The following UHRF1 variants were observed in gnomAD, a reference collection of about 807,000 sequenced individuals.
UHRF1 encodes the protein ubiquitin like with PHD and ring finger domains 1.
Under a neutral mutation model 96.5 loss-of-function variants are expected in UHRF1, and 9 were observed. That is an observed-to-expected ratio of 0.09 (90% CI 0.06 to 0.16). UHRF1 has a LOEUF of 0.16. UHRF1 is among the 10% of genes least tolerant of loss of function. The pLI, the probability that UHRF1 is intolerant of heterozygous loss-of-function variation, is 1.00. For missense variants in UHRF1, 626 were observed against 1,131.1 expected, an observed-to-expected ratio of 0.55 and a Z score of 6.40; for synonymous variants, 455 against 469.9, an observed-to-expected ratio of 0.97 and a Z score of 0.41.
At chr19:4,910,106 C>CGGGG (rs942698441) in intron 1 of UHRF1, 1 of 150,854 alleles carries the variant, frequency 6.6e-6, no homozygotes, top group Admixed American at 6.6e-5. Flanking sequence ...ACTTGACGAG[C>CGGGG]GGGGGCCCCC....
At chr19:4,904,769 A>T (rs990221407), upstream of UHRF1, among the ~76,000 whole-genome samples, 1 of 152,162 alleles carries the variant, frequency 6.6e-6, no homozygotes, top group Non-Finnish European at 1.5e-5. Context: ...GGAATCAATA[A>T]AAGTTTGTTG....
upstream of UHRF1, among the ~76,000 whole-genome samples, chr19:4,905,736 T>G (rs1401872190): frequency 6.6e-6 from 1 of 152,128 alleles, no homozygotes; most frequent in Admixed American, 6.6e-5. Flanking sequence ...CAGGCTAGTC[T>G]TGATCTCCTG....
At chr19:4,940,340 A>C (rs1182477448) in intron 5 of UHRF1, among the ~76,000 whole-genome samples, 2 of 138,152 alleles carry the variant, frequency 1.4e-5, no homozygotes, top group African/African-American at 5.3e-5. Flanking sequence ...AGGCCATTGG[A>C]TCAAGCGTTG....
upstream of UHRF1, among the ~76,000 whole-genome samples, chr19:4,905,932 G>A (rs890210559): frequency 3.3e-5 from 5 of 152,244 alleles, 1 homozygote; most frequent in Admixed American, 2.0e-4. Context: ...TTTCTGAGAC[G>A]CCTGGAATAG....
chr19:4,960,839 A>C lies in UHRF1; in HGVS notation c.*36A>C. 1 of 1,273,610 alleles carries C rather than the reference A, an allele frequency of 7.9e-7. No individual in the cohort carries two copies. Among genetic ancestry groups the C allele is most frequent in the Non-Finnish European group, 1.1e-6 (1 of 910,718 alleles). 78.9% of individuals were successfully genotyped at this position (1,273,610 alleles called of 1,614,324 possible). ...CTTCTCGACAGGCGTTTTGCTGAAA[A>C]CGTGTCGGAGGGCTCGTTCATCGGC... On this transcript the variant is annotated 3_prime_UTR_variant, in exon 17 of 17. Coordinates refer to ENST00000650932, the MANE Select transcript of UHRF1 (RefSeq NM_001048201.3).
intron 5 of UHRF1, among the ~76,000 whole-genome samples, chr19:4,939,817 G>C (rs1368164063): frequency 6.6e-6 from 1 of 152,156 alleles, no homozygotes; most frequent in Non-Finnish European, 1.5e-5. Context: ...AAGGTCAGGA[G>C]ATCGAGACCA....
chr19:4,903,639 A>T (rs913915049), exon 1 of UHRF1: 1 of 151,876 alleles, frequency 6.6e-6, no homozygotes, highest in Non-Finnish European at 1.5e-5. Context: ...AGTACCTGAG[A>T]TTACAGGCAA....
At position 4,954,420 on chromosome 19, in the gene UHRF1, A is replaced by C. The variant is rs977986675; in HGVS notation, c.1889A>C (p.Glu630Ala). The C allele has an allele frequency of 6.2e-7, 1 of 1,613,570 alleles. No individual in the cohort carries two copies. The highest frequency in any genetic ancestry group is 1.3e-5 in the African/African-American group (1 of 74,964). Residue 630 changes from glutamate (E) to alanine (A), a missense_variant, in exon 14 of 17, where the codon GAG (glutamate) becomes GCG (alanine). This residue lies in a region of UHRF1 where 90 missense variants were observed against 94.7 expected (regional missense o/e 0.95). Coordinates refer to ENST00000650932, the MANE Select transcript of UHRF1 (RefSeq NM_001048201.3). This position sits in a 1 kb window ranked among gnomAD's most constrained non-coding sequence, Gnocchi z 5.9. ...AAGGAGAACAGCAAGAGGGAGGAGG[A>C]GGAGCAGCAGGAGGGGGGCTTCGCG... is the stretch of plus-strand genomic sequence containing the variant. ...REKENSKREE[E>A]EQQEGGFASP...
At chr19:4,912,012 T>G (rs2032298563) in intron 2 of UHRF1, among the ~76,000 whole-genome samples, 1 of 152,196 alleles carries the variant, frequency 6.6e-6, no homozygotes, top group Admixed American at 6.6e-5. Context: ...CAGGGGTTTT[T>G]GGGGGCTGGG....
At chr19:4,917,117 T>G (rs1192942176) in intron 2 of UHRF1, among the ~76,000 whole-genome samples, 2 of 148,192 alleles carry the variant, frequency 1.3e-5, no homozygotes, top group Non-Finnish European at 3.0e-5. Flanking sequence ...TTTCGTTTTT[T>G]TTTTTTTTTT....
At chr19:4,927,869 C>T (rs960685236) in intron 2 of UHRF1, among the ~76,000 whole-genome samples, 13 of 152,336 alleles carry the variant, frequency 8.5e-5, no homozygotes, top group East Asian at 3.9e-4. Flanking sequence ...GGAAACCAAC[C>T]GAGTCCAATC....
intron 5 of UHRF1, among the ~76,000 whole-genome samples, chr19:4,941,090 T>G (rs1317107281): frequency 1.8e-4 from 24 of 136,438 alleles, no homozygotes; most frequent in Non-Finnish European, 3.3e-4. Context: ...GTTTTGTTTT[T>G]TTTTTTTTTT....
intron 2 of UHRF1, among the ~76,000 whole-genome samples, chr19:4,914,414 T>G (rs1175526262): frequency 1.3e-5 from 2 of 152,064 alleles, no homozygotes; most frequent in Non-Finnish European, 2.9e-5. Context: ...TTTCCCTGTT[T>G]AAAGAAACCT....
At chr19:4,956,258 G>C (rs527623716) in intron 15 of UHRF1, among the ~76,000 whole-genome samples, 2 of 152,236 alleles carry the variant, frequency 1.3e-5, no homozygotes, top group South Asian at 4.1e-4. Flanking sequence ...TAGAGATGGG[G>C]GTCTCACTGT....
chr19:4,947,290 G>C (rs2033592641), intron 11 of UHRF1, 79 bp downstream of exon 11: 2 of 1,272,540 alleles, frequency 1.6e-6, no homozygotes, highest in Non-Finnish European at 2.3e-6. Flanking sequence ...CTCATGTCCA[G>C]CAAGTGATAG....
In UHRF1 at chr19:4,945,751, G is replaced by A. The variant is rs1568426794; in HGVS notation, c.1306-110G>A. The A allele has an allele frequency of 1.9e-5, 16 of 849,204 alleles. No individual in the cohort carries two copies. The East Asian group carries it at 3.2e-4, about 17-fold the overall frequency. The allele number at this position is 849,204 out of a possible 1,614,324, so 52.6% of individuals were successfully genotyped here. Reference sequence around the variant, plus strand: ...GTGACTCGCAGGCCTGAGGAGTTTGGTGTAAAAGTGAGGCCGCTGGCTGCT... The same window carrying A: ...GTGACTCGCAGGCCTGAGGAGTTTGATGTAAAAGTGAGGCCGCTGGCTGCT... On this transcript the variant is annotated intron_variant, in intron 9 of 16. Coordinates refer to ENST00000650932, the MANE Select transcript of UHRF1 (RefSeq NM_001048201.3).
In UHRF1 at chr19:4,953,502, T is replaced by A. The variant is rs1331602160; in HGVS notation, c.1819-848T>A. On this transcript the variant is annotated intron_variant, in intron 13 of 16. Coordinates refer to ENST00000650932, the MANE Select transcript of UHRF1 (RefSeq NM_001048201.3). ...TTTTTGAGACCAGGTCTCGCTCTGT[T>A]GTCCAGGCTGGAGTGTAGTGGTGTG... Among the ~76,000 whole-genome samples, 4 of 152,116 alleles carry A rather than the reference T, an allele frequency of 2.6e-5. No homozygotes were observed. The East Asian group carries it at 5.8e-4, about 22-fold the overall frequency.
intron 5 of UHRF1, among the ~76,000 whole-genome samples, chr19:4,940,530 C>T (rs1384069417): frequency 6.6e-6 from 1 of 151,558 alleles, no homozygotes; most frequent in East Asian, 1.9e-4. Flanking sequence ...CCATGCCCAG[C>T]TAATTCTTGT....
intron 15 of UHRF1, among the ~76,000 whole-genome samples, chr19:4,955,109 G>A (rs1231313978): frequency 6.6e-6 from 1 of 151,790 alleles, no homozygotes; most frequent in Non-Finnish European, 1.5e-5. Flanking sequence ...CCCAGCTCCG[G>A]CACCCCCTGC....
Sources: gnomAD v4.1 joint callset for allele counts (sites outside exome capture counted in the v4.1 genomes callset) on GRCh38, gnomAD v4.1.1 for gene constraint, gnomAD v4.1.1 regional missense constraint, Gnocchi (gnomAD v3.1) non-coding constraint, MANE v1.5 for transcripts, NCBI Gene and HGNC (gene_info 2026-07-23, HGNC 2026-07-21) for gene names.